The following LINGO2 variants were observed in gnomAD, a reference collection of about 807,000 sequenced individuals.
The protein encoded by LINGO2 is leucine-rich repeat and immunoglobulin-like domain-containing nogo receptor-interacting protein 2.
LINGO2 carries 14 observed loss-of-function variants against 30.6 expected under a neutral mutation model. The observed-to-expected ratio is 0.46, with a 90% confidence interval of 0.30 to 0.72. The LOEUF is 0.72. LINGO2 is among the 30% of genes least tolerant of loss of function. The pLI, the probability that LINGO2 is intolerant of heterozygous loss-of-function variation, is 0.07. For missense variants in LINGO2, 729 were observed against 751.7 expected (o/e 0.97, Z 0.35); for synonymous variants, 317 against 288.5 (o/e 1.10, Z -1.00).
chr9:28,346,082 G>C (rs1359211058), intron 3 of LINGO2, among the ~76,000 whole-genome samples: 1 of 152,074 alleles, frequency 6.6e-6, no homozygotes, highest in Non-Finnish European at 1.5e-5. Context: ...TTTATTTTAG[G>C]TTCAGGGGTA....
chr9:28,314,782 A>G (rs1240956355), intron 3 of LINGO2, among the ~76,000 whole-genome samples: 2 of 152,088 alleles, frequency 1.3e-5, no homozygotes, highest in Non-Finnish European at 2.9e-5. Flanking sequence ...CAGAAGATAG[A>G]GACCATCCTG....
intron 4 of LINGO2, among the ~76,000 whole-genome samples, chr9:28,216,017 T>A (rs979686525): frequency 2.0e-5 from 3 of 151,988 alleles, no homozygotes; most frequent in Non-Finnish European, 4.4e-5. Flanking sequence ...TCTTTTGCTC[T>A]TTTGGCACTT....
At chr9:28,714,188 T>TATATATATATATATATATATATATAC in the LINGO2 span, among the ~76,000 whole-genome samples, 29 of 73,346 alleles carry the variant, frequency 4.0e-4, no homozygotes, top group African/African-American at 1.5e-3. Flanking sequence ...TATATATATA[T>TATATATATATATATATATATATATAC]ACACACATAC....
intron 2 of LINGO2, among the ~76,000 whole-genome samples, chr9:28,440,166 T>A (rs1433862018): frequency 6.6e-6 from 1 of 152,204 alleles, no homozygotes; most frequent in Admixed American, 6.5e-5. Flanking sequence ...TATTATTTTA[T>A]TTTTAAAGAG....
At chr9:28,277,137 T>C (rs993375734) in intron 4 of LINGO2, among the ~76,000 whole-genome samples, 5 of 152,230 alleles carry the variant, frequency 3.3e-5, no homozygotes, top group Non-Finnish European at 7.3e-5. Flanking sequence ...GCAAGTTTAT[T>C]GGTGCCATTT....
the LINGO2 span, among the ~76,000 whole-genome samples, chr9:29,027,198 C>T: frequency 6.6e-6 from 1 of 152,132 alleles, no homozygotes; most frequent in Non-Finnish European, 1.5e-5. Context: ...GGTCAACTTA[C>T]TGCATCAGAA....
intron 4 of LINGO2, among the ~76,000 whole-genome samples, chr9:28,118,792 A>T (rs1827008220): frequency 6.6e-6 from 1 of 152,224 alleles, no homozygotes; most frequent in East Asian, 1.9e-4. Flanking sequence ...TGAAGTCTAC[A>T]TCTAGTAAAG....
chr9:28,195,640 A>G (rs1339015977), intron 4 of LINGO2, among the ~76,000 whole-genome samples: 1 of 151,550 alleles, frequency 6.6e-6, no homozygotes, highest in East Asian at 1.9e-4. Context: ...AAATAATATT[A>G]CCAGAACAGA....
At chr9:28,750,161 T>C in the LINGO2 span, among the ~76,000 whole-genome samples, 2 of 152,160 alleles carry the variant, frequency 1.3e-5, no homozygotes, top group Non-Finnish European at 2.9e-5. Context: ...GTTATGTTTC[T>C]GGCATTGATT....
chr9:28,305,552 G>A (rs1270265882), intron 3 of LINGO2, among the ~76,000 whole-genome samples: 1 of 151,866 alleles, frequency 6.6e-6, no homozygotes, highest in African/African-American at 2.4e-5. Flanking sequence ...AAAACCAATT[G>A]TATTTTTATA....
rs866970487 is a variant in LINGO2, at chr9:28,056,094, T to C, written c.-86-43689A>G. Reference sequence around the variant, plus strand: ...AAAGAAAGGAGCTCCCCGCTTTCAGTGAGCAAAGGCAACCTCTGAGCGTCT... The same window carrying C: ...AAAGAAAGGAGCTCCCCGCTTTCAGCGAGCAAAGGCAACCTCTGAGCGTCT... On this transcript the variant is annotated intron_variant, in intron 4 of 5. Transcript: ENST00000379992. 1.1e-4 allele frequency among the ~76,000 whole-genome samples: 17 copies of C among 152,290 alleles called. No homozygotes were observed. In the East Asian group the frequency reaches 2.5e-3, roughly 22 times the overall value.
At chr9:28,793,330 G>A in the LINGO2 span, among the ~76,000 whole-genome samples, 1 of 152,134 alleles carries the variant, frequency 6.6e-6, no homozygotes, top group Non-Finnish European at 1.5e-5. Flanking sequence ...ATAGACCAAA[G>A]CCTATCATCT....
chr9:28,520,329 T>G (rs1414346617), intron 1 of LINGO2, among the ~76,000 whole-genome samples: 1 of 152,120 alleles, frequency 6.6e-6, no homozygotes, highest in Non-Finnish European at 1.5e-5. Flanking sequence ...TTTTTACTAG[T>G]TTATTAAGAA....
chr9:28,380,351 C>T (rs1445073775), intron 2 of LINGO2, among the ~76,000 whole-genome samples: 3 of 150,140 alleles, frequency 2.0e-5, no homozygotes, highest in Non-Finnish European at 3.0e-5. Flanking sequence ...TAGAGGACAT[C>T]GTAGAGGGGA....
At chr9:28,662,722 T>C (rs1033268426) in intron 1 of LINGO2, among the ~76,000 whole-genome samples, 2 of 152,290 alleles carry the variant, frequency 1.3e-5, no homozygotes, top group East Asian at 1.9e-4. Flanking sequence ...TAATTAATTA[T>C]GTAAATATTG....
chr9:28,483,539 G>A (rs189787858), intron 1 of LINGO2, among the ~76,000 whole-genome samples: 205 of 151,066 alleles, frequency 1.4e-3, no homozygotes, highest in Non-Finnish European at 2.2e-3. Flanking sequence ...TGCTGCTTTA[G>A]TGACAGGAAA....
chr9:29,059,416 A>AAAAT, the LINGO2 span, among the ~76,000 whole-genome samples: 7,170 of 150,272 alleles, frequency 0.048, 230 homozygotes, highest in East Asian at 0.1. Context: ...TTAAAATTAA[A>AAAAT]AAATAAATAA....
intron 4 of LINGO2, among the ~76,000 whole-genome samples, chr9:28,084,853 A>G (rs1825866325): frequency 6.6e-6 from 1 of 152,150 alleles, no homozygotes; most frequent in Non-Finnish European, 1.5e-5. Context: ...GGAAAGGAGA[A>G]AGCCAGGAGT....
intron 1 of LINGO2, among the ~76,000 whole-genome samples, chr9:28,655,826 C>T (rs891878457): frequency 2.6e-5 from 4 of 152,058 alleles, no homozygotes; most frequent in African/African-American, 9.7e-5. Context: ...TGAGGCCTCC[C>T]CAGACATGCT....
Sources: gnomAD v4.1 joint callset for allele counts (sites outside exome capture counted in the v4.1 genomes callset) on GRCh38, gnomAD v4.1.1 for gene constraint, MANE v1.5 for transcripts, NCBI Gene and HGNC (gene_info 2026-07-23, HGNC 2026-07-21) for gene names.